LRRTM4: variants seen among roughly 807,000 people sequenced by gnomAD.
LRRTM4 encodes the protein leucine-rich repeat transmembrane neuronal protein 4.
LRRTM4 carries 25 observed loss-of-function variants against 47.6 expected under a neutral mutation model. The ratio of observed to expected loss-of-function variants is 0.53; its 90% CI spans 0.38 to 0.73. The LOEUF is 0.73. Ranked by LOEUF, LRRTM4 falls within the 30% of genes least tolerant of loss-of-function variation. LRRTM4 has a pLI of 0.00. For synonymous variants in LRRTM4, 311 were observed against 269.5 expected (o/e 1.15, Z -1.51); for missense variants, 638 against 713.4 (o/e 0.89, Z 1.20).
chr2:76,887,236 T>G (rs558497448), intron 3 of LRRTM4, among the ~76,000 whole-genome samples: 1 of 151,892 alleles, frequency 6.6e-6, no homozygotes, highest in East Asian at 1.9e-4. Context: ...AGTTATATAG[T>G]ATCATATGTC....
intron 3 of LRRTM4, among the ~76,000 whole-genome samples, chr2:76,887,558 C>T (rs1158747007): frequency 6.9e-6 from 1 of 144,586 alleles, no homozygotes; most frequent in African/African-American, 2.6e-5. Flanking sequence ...CTCATTTTGA[C>T]ATATGTGCAA....
At chr2:77,037,909 A>T (rs2104164689) in intron 3 of LRRTM4, among the ~76,000 whole-genome samples, 1 of 151,756 alleles carries the variant, frequency 6.6e-6, no homozygotes, top group East Asian at 1.9e-4. Flanking sequence ...TCACTTGAGG[A>T]TTCTAGGAGT....
At chr2:77,170,188 T>A (rs1458108865) in intron 3 of LRRTM4, among the ~76,000 whole-genome samples, 2 of 151,940 alleles carry the variant, frequency 1.3e-5, no homozygotes, top group African/African-American at 4.8e-5. Context: ...TCCAGTCTAA[T>A]CATGTGAGTC....
In LRRTM4 at chr2:77,485,945, C is replaced by A. The variant is rs534807940; in HGVS notation, c.1551+32373G>T. On this transcript the variant is annotated intron_variant, in intron 3 of 3. Transcript: ENST00000409884. ...GGGAGACGTGGTTTCACCATGTTTG[C>A]CCAGGCGGGTCTCCAACTCCTGTGC... Among the ~76,000 whole-genome samples, 46 of 151,278 alleles carry A rather than the reference C, an allele frequency of 3.0e-4. 1 individual carries two copies. Among genetic ancestry groups the A allele is most frequent in the African/African-American group, 9.5e-4 (39 of 41,226 alleles).
intron 3 of LRRTM4, among the ~76,000 whole-genome samples, chr2:77,487,613 C>T (rs1255791868): frequency 2.0e-5 from 3 of 152,098 alleles, no homozygotes; most frequent in African/African-American, 4.8e-5. Flanking sequence ...CAGACAGGTT[C>T]CTGGACAGAC....
intron 3 of LRRTM4, among the ~76,000 whole-genome samples, chr2:77,103,296 C>T (rs59948559): frequency 0.2 from 30,155 of 151,982 alleles, 4,706 homozygotes; most frequent in East Asian, 0.42. Context: ...AACATTTTGG[C>T]CTCAAAGATA....
chr2:76,972,302 A>C (rs192639770), intron 3 of LRRTM4, among the ~76,000 whole-genome samples: 17 of 152,100 alleles, frequency 1.1e-4, no homozygotes, highest in Non-Finnish European at 1.2e-4. Flanking sequence ...CTCAGCAGAG[A>C]ACAAAATCTC....
intron 3 of LRRTM4, among the ~76,000 whole-genome samples, chr2:77,269,511 A>G (rs1207344994): frequency 6.6e-6 from 1 of 152,218 alleles, no homozygotes; most frequent in Non-Finnish European, 1.5e-5. Context: ...ATATGTCATT[A>G]TATAAAACTT....
At chr2:76,967,347 C>G (rs1676060500) in intron 3 of LRRTM4, among the ~76,000 whole-genome samples, 1 of 151,624 alleles carries the variant, frequency 6.6e-6, no homozygotes, top group South Asian at 2.1e-4. Flanking sequence ...AGTTGAGATA[C>G]TAACAACACT....
rs755257913 is a variant in LRRTM4, at chr2:76,888,053, ATGTG to A, written c.1552-139141_1552-139138del. 1.2e-3 allele frequency among the ~76,000 whole-genome samples: 174 copies of A among 149,486 alleles called. 1 individual carries two copies. Among genetic ancestry groups the A allele is most frequent in the African/African-American group, 4.0e-3 (164 of 41,160 alleles). The stretch of plus-strand genomic sequence containing the variant: ...ACTGTGTGTGTGTATATATACATAT[ATGTG>A]TGTTTGTATATATATACATATATAT... On this transcript the variant is annotated intron_variant, in intron 3 of 3. Transcript: ENST00000409884.
intron 3 of LRRTM4, among the ~76,000 whole-genome samples, chr2:76,839,893 G>A (rs996650392): frequency 2.0e-5 from 3 of 151,766 alleles, no homozygotes; most frequent in Non-Finnish European, 4.4e-5. Context: ...TGTCTTATTG[G>A]GAAATTCTTG....
chr2:77,207,924 G>C (rs1489430815), intron 3 of LRRTM4, among the ~76,000 whole-genome samples: 1 of 114,388 alleles, frequency 8.7e-6, no homozygotes, highest in Non-Finnish European at 1.7e-5. Flanking sequence ...TTTCACCCAG[G>C]CTGGAGTGCA....
intron 3 of LRRTM4, among the ~76,000 whole-genome samples, chr2:77,323,498 G>T (rs1670631269): frequency 6.6e-6 from 1 of 152,082 alleles, no homozygotes; most frequent in Admixed American, 6.6e-5. Context: ...TCTTATGCCA[G>T]TTTCATGTAG....
chr2:77,452,931 T>C (rs951947678), intron 3 of LRRTM4, among the ~76,000 whole-genome samples: 4 of 152,120 alleles, frequency 2.6e-5, no homozygotes, highest in Admixed American at 1.3e-4. Flanking sequence ...TGCTTCTTAT[T>C]GCCTCAACCA....
intron 3 of LRRTM4, among the ~76,000 whole-genome samples, chr2:76,953,072 T>C (rs1015105129): frequency 3.3e-5 from 5 of 151,798 alleles, no homozygotes; most frequent in East Asian, 1.9e-4. Context: ...AAACTACCTA[T>C]TGGCTATATG....
chr2:76,888,207 T>C (rs1367000574), intron 3 of LRRTM4, among the ~76,000 whole-genome samples: 1 of 151,284 alleles, frequency 6.6e-6, no homozygotes, highest in East Asian at 1.9e-4. Flanking sequence ...GAATGTATTC[T>C]TGGAATAACA....
At chr2:76,906,245 TA>T (rs1673834244) in intron 3 of LRRTM4, among the ~76,000 whole-genome samples, 2 of 151,896 alleles carry the variant, frequency 1.3e-5, no homozygotes, top group African/African-American at 4.8e-5. Flanking sequence ...CCAGCCAAAC[TA>T]AGCTTCATAA....
chr2:77,249,375 A>C (rs1189259277), intron 3 of LRRTM4, among the ~76,000 whole-genome samples: 2 of 152,038 alleles, frequency 1.3e-5, no homozygotes, highest in East Asian at 3.9e-4. Flanking sequence ...AATAAAATGA[A>C]ATAAATTTTT....
chr2:76,978,822 T>TG (rs1160053512), intron 3 of LRRTM4, among the ~76,000 whole-genome samples: 1 of 152,030 alleles, frequency 6.6e-6, no homozygotes, highest in African/African-American at 2.4e-5. Flanking sequence ...GAGACTAGGA[T>TG]GGAGGTGATG....
Sources: allele counts gnomAD v4.1 joint callset (sites outside exome capture counted in the v4.1 genomes callset), GRCh38; gene constraint gnomAD v4.1.1; transcripts MANE v1.5; gene names NCBI Gene and HGNC (gene_info 2026-07-23, HGNC 2026-07-21).